Variants in CYP7B1 observed in about 807,000 individuals in gnomAD.
CYP7B1 encodes the protein cytochrome P450 family 7 subfamily B member 1.
A neutral mutation model predicts 42.7 loss-of-function variants in CYP7B1; 29 were observed. The observed-to-expected ratio is 0.68, with a 90% CI of 0.51 to 0.93. The LOEUF is 0.93. CYP7B1 is among the 40% of genes least tolerant of loss of function. The pLI is 0.00. For synonymous variants in CYP7B1, 235 were observed against 218.2 expected (o/e 1.08, Z -0.68); for missense variants, 655 against 600.5 (o/e 1.09, Z -0.95).
At chr8:64,716,959 C>A (rs1294931279) in intron 1 of CYP7B1, among the ~76,000 whole-genome samples, 1 of 152,172 alleles carries the variant, frequency 6.6e-6, no homozygotes, top group African/African-American at 2.4e-5. Flanking sequence ...TTTTCTATGA[C>A]TTTTGCCAGT....
At chr8:64,609,174 T>C (rs1805329157) in intron 4 of CYP7B1, among the ~76,000 whole-genome samples, 1 of 152,166 alleles carries the variant, frequency 6.6e-6, no homozygotes, top group Non-Finnish European at 1.5e-5. Context: ...CAAATAAAAA[T>C]TGGATATATT....
In CYP7B1 at chr8:64,592,114, G is replaced by C. The variant is rs2129629615; in HGVS notation, c.*4528C>G. Reference sequence around the variant, plus strand: ...GAGACAAGGGAATTGCTTGAACCCAGGAAGTGGAGGTTGCAGTGAGCTGAG... The same window carrying C: ...GAGACAAGGGAATTGCTTGAACCCACGAAGTGGAGGTTGCAGTGAGCTGAG... On this transcript the variant is annotated 3_prime_UTR_variant, in exon 6 of 6. Transcript: ENST00000310193. 6.6e-6 allele frequency among the ~76,000 whole-genome samples: 1 copy of C among 152,014 alleles called. No homozygotes were observed. Among genetic ancestry groups the C allele is most frequent in the East Asian group, 1.9e-4 (1 of 5,170 alleles).
chr8:64,652,673 T>C (rs72505491), intron 1 of CYP7B1, among the ~76,000 whole-genome samples: 4 of 151,888 alleles, frequency 2.6e-5, no homozygotes, highest in Non-Finnish European at 5.9e-5. Context: ...TGAAACCCCA[T>C]CTCGATTAAA....
chr8:64,765,439 T>G (rs1043480132), intron 1 of CYP7B1, among the ~76,000 whole-genome samples: 1 of 152,200 alleles, frequency 6.6e-6, no homozygotes, highest in African/African-American at 2.4e-5. Context: ...TGCATCTTGA[T>G]GGGGCAACTG....
intron 1 of CYP7B1, among the ~76,000 whole-genome samples, chr8:64,760,822 C>A (rs574398892): frequency 6.6e-5 from 10 of 152,106 alleles, no homozygotes; most frequent in African/African-American, 2.4e-4. Context: ...ATAGAGCTAC[C>A]ATATGATCCA....
intron 1 of CYP7B1, among the ~76,000 whole-genome samples, chr8:64,633,146 T>C (rs1478129709): frequency 3.3e-5 from 5 of 152,176 alleles, no homozygotes; most frequent in Non-Finnish European, 7.4e-5. Context: ...TTAAATCCGG[T>C]ACACTATCTA....
chr8:64,756,998 G>T (rs1271201442), intron 1 of CYP7B1, among the ~76,000 whole-genome samples: 1 of 152,194 alleles, frequency 6.6e-6, no homozygotes, highest in Admixed American at 6.5e-5. Context: ...AGACCAGCCA[G>T]GTCTCCAGTT....
chr8:64,697,676 G>A (rs755509749), intron 1 of CYP7B1, among the ~76,000 whole-genome samples: 2 of 152,204 alleles, frequency 1.3e-5, no homozygotes, highest in Non-Finnish European at 2.9e-5. Context: ...GTTGGGCTTC[G>A]TTTCACGAAA....
chr8:64,731,900 T>C (rs1400059940), intron 1 of CYP7B1, among the ~76,000 whole-genome samples: 1 of 152,210 alleles, frequency 6.6e-6, no homozygotes, highest in East Asian at 1.9e-4. Flanking sequence ...CACGTGGTGT[T>C]TGGCCTGTGG....
At chr8:64,662,368 A>C (rs1350431427) in intron 1 of CYP7B1, among the ~76,000 whole-genome samples, 1 of 152,110 alleles carries the variant, frequency 6.6e-6, no homozygotes, top group Non-Finnish European at 1.5e-5. Context: ...GCGACATGAT[A>C]ATTAAGAAGT....
chr8:64,755,128 C>T (rs1163597667), intron 1 of CYP7B1, among the ~76,000 whole-genome samples: 4 of 152,108 alleles, frequency 2.6e-5, no homozygotes, highest in East Asian at 1.9e-4. Context: ...CTTAGGGTCA[C>T]GTTTGCCTCA....
chr8:64,701,557 A>G (rs1162904265), intron 1 of CYP7B1, among the ~76,000 whole-genome samples: 7 of 152,094 alleles, frequency 4.6e-5, no homozygotes, highest in Admixed American at 4.6e-4. Context: ...CAAATAAAAG[A>G]ATCATTTGGT....
chr8:64,601,415 T>C (rs1004438299), intron 5 of CYP7B1, among the ~76,000 whole-genome samples: 8 of 152,200 alleles, frequency 5.3e-5, no homozygotes, highest in Non-Finnish European at 1.2e-4. Context: ...GGTCTCCCTT[T>C]ATCCCTCAGT....
chr8:64,789,933 C>T (rs1804590839), intron 1 of CYP7B1, among the ~76,000 whole-genome samples: 1 of 152,204 alleles, frequency 6.6e-6, no homozygotes, highest in African/African-American at 2.4e-5. Flanking sequence ...GAAGCCTCAG[C>T]ACCTGACATT....
chr8:64,745,665 C>A (rs1284905706), intron 1 of CYP7B1, among the ~76,000 whole-genome samples: 2 of 152,226 alleles, frequency 1.3e-5, no homozygotes, highest in South Asian at 4.1e-4. Flanking sequence ...GCAGAGAGCC[C>A]TCTAGCTTCC....
At chr8:64,766,546 A>T (rs1160999012) in intron 1 of CYP7B1, among the ~76,000 whole-genome samples, 1 of 151,942 alleles carries the variant, frequency 6.6e-6, no homozygotes, top group African/African-American at 2.4e-5. Flanking sequence ...TGCTTTAGTC[A>T]TGGCCTTCAG....
intron 4 of CYP7B1, among the ~76,000 whole-genome samples, chr8:64,608,614 G>C (rs1362801286): frequency 6.6e-6 from 1 of 151,750 alleles, no homozygotes; most frequent in Admixed American, 6.6e-5. Flanking sequence ...AAAAGGGGGA[G>C]AGGGGTTGGG....
chr8:64,725,268 T>C (rs1456904945), intron 1 of CYP7B1, among the ~76,000 whole-genome samples: 1 of 152,226 alleles, frequency 6.6e-6, no homozygotes, highest in African/African-American at 2.4e-5. Flanking sequence ...TATGCTTTTC[T>C]CTTGTTAAGC....
At chr8:64,679,265 T>A (rs1282630416) in intron 1 of CYP7B1, among the ~76,000 whole-genome samples, 1 of 152,168 alleles carries the variant, frequency 6.6e-6, no homozygotes, top group East Asian at 1.9e-4. Flanking sequence ...CTTCCCTATA[T>A]AACTTATTTG....
Sources: gnomAD v4.1 joint callset for allele counts (sites outside exome capture counted in the v4.1 genomes callset) on GRCh38, gnomAD v4.1.1 for gene constraint, MANE v1.5 for transcripts, NCBI Gene and HGNC (gene_info 2026-07-23, HGNC 2026-07-21) for gene names.